The following NKAIN3 variants were observed in gnomAD, a reference collection of about 807,000 sequenced individuals.
The protein encoded by NKAIN3 is sodium/potassium-transporting ATPase subunit beta-1-interacting protein 3.
Under a neutral mutation model 30.2 loss-of-function variants are expected in NKAIN3, and 25 were observed. The observed-to-expected ratio is 0.83, with a 90% CI of 0.60 to 1.16. The LOEUF is 1.16. Among genes scored for constraint, NKAIN3 ranks in the 50% most tolerant of loss-of-function variants. NKAIN3 has a pLI of 0.00. For synonymous variants in NKAIN3, 91 were observed against 89.6 expected (o/e 1.02, Z -0.09); for missense variants, 225 against 254.1 (o/e 0.89, Z 0.78).
At chr8:62,357,468 A>G (rs565815909) in intron 1 of NKAIN3, among the ~76,000 whole-genome samples, 1 of 152,304 alleles carries the variant, frequency 6.6e-6, no homozygotes, top group East Asian at 1.9e-4. Context: ...ATTCTGTGTA[A>G]TCGAAATTTT....
chr8:62,709,487 C>T (rs548227568), intron 3 of NKAIN3, among the ~76,000 whole-genome samples: 21 of 151,980 alleles, frequency 1.4e-4, no homozygotes, highest in African/African-American at 4.6e-4. Context: ...ATCTCGTCTA[C>T]GTTTTCTAGT....
At chr8:62,433,489 TG>T in intron 1 of NKAIN3, among the ~76,000 whole-genome samples, 1 of 152,298 alleles carries the variant, frequency 6.6e-6, no homozygotes, top group South Asian at 2.1e-4. Flanking sequence ...ATATGGGATC[TG>T]GGTAAGTTAT....
intron 1 of NKAIN3, among the ~76,000 whole-genome samples, chr8:62,284,621 A>T (rs895164526): frequency 6.6e-6 from 1 of 151,832 alleles, no homozygotes; most frequent in East Asian, 1.9e-4. Context: ...CAACAGCAAA[A>T]CTCTGTCTCA....
At chr8:62,859,507 C>CAAAAAAAAAAAAAAAAAAAAAAAAAAA (rs1563597734) in intron 4 of NKAIN3, among the ~76,000 whole-genome samples, 1 of 9,926 alleles carries the variant, frequency 1.0e-4, no homozygotes, top group Non-Finnish European at 4.0e-4. Context: ...CTTACTTCAA[C>CAAAAAAAAAAAAAAAAAAAAAAAAAAA]TAAAAAAAAA....
chr8:62,727,591 T>C (rs1021461788), intron 3 of NKAIN3, among the ~76,000 whole-genome samples: 8 of 152,232 alleles, frequency 5.3e-5, no homozygotes, highest in African/African-American at 1.9e-4. Context: ...CACAATACCA[T>C]TTGCAGTAGC....
rs552326600 is a variant in NKAIN3, at chr8:62,979,801, G to T, written c.*14394G>T. 1 of 152,224 alleles carries T rather than the reference G, an allele frequency of 6.6e-6. No individual in the cohort carries two copies. Among genetic ancestry groups the T allele is most frequent in the Non-Finnish European group, 1.5e-5 (1 of 68,072 alleles). The allele number at this position is 152,224 out of a possible 1,614,324, so 9.4% of individuals were successfully genotyped here. A position where few individuals can be genotyped will look rare whatever the true frequency, so the allele number is the denominator to read the frequency against. On this transcript the variant is annotated 3_prime_UTR_variant, in exon 7 of 7. Transcript: ENST00000623646. ...GTCCTGACTAGACAAGGGCTTTGTTGTTGACTACAATTCAATGCCTTTTTT... is the reference window on the plus strand; with the variant it reads ...GTCCTGACTAGACAAGGGCTTTGTTTTTGACTACAATTCAATGCCTTTTTT...
chr8:62,850,167 T>C, intron 4 of NKAIN3, among the ~76,000 whole-genome samples: 1 of 152,134 alleles, frequency 6.6e-6, no homozygotes, highest in East Asian at 1.9e-4. Context: ...TGAGATGCTA[T>C]CTCATTGTGG....
intron 4 of NKAIN3, among the ~76,000 whole-genome samples, chr8:62,881,349 C>T (rs1191318371): frequency 3.3e-5 from 5 of 152,160 alleles, no homozygotes; most frequent in Non-Finnish European, 5.9e-5. Flanking sequence ...CATATTTTTG[C>T]CTTTTCCAGA....
At chr8:62,856,535 T>C in intron 4 of NKAIN3, 3 of 779,612 alleles carry the variant, frequency 3.8e-6, no homozygotes, top group Non-Finnish European at 7.1e-6. Context: ...GCTTTGGTCC[T>C]GGCTCAGCTG....
chr8:62,258,658 T>TA (rs1026702032), intron 1 of NKAIN3, among the ~76,000 whole-genome samples: 1 of 151,104 alleles, frequency 6.6e-6, no homozygotes, highest in African/African-American at 2.4e-5. Flanking sequence ...AGACACTGTC[T>TA]AAAAAAGAAA....
intron 1 of NKAIN3, among the ~76,000 whole-genome samples, chr8:62,285,773 T>A (rs1813362201): frequency 6.6e-6 from 1 of 152,166 alleles, no homozygotes; most frequent in Non-Finnish European, 1.5e-5. Flanking sequence ...TACAAAAATA[T>A]CTGAACCAGA....
chr8:62,911,725 T>C (rs1236029599), intron 4 of NKAIN3, among the ~76,000 whole-genome samples: 2 of 152,042 alleles, frequency 1.3e-5, no homozygotes, highest in Non-Finnish European at 2.9e-5. Context: ...TGAACTATTT[T>C]TCAAGCTAAA....
At chr8:62,429,904 T>C (rs1451470840) in intron 1 of NKAIN3, among the ~76,000 whole-genome samples, 1 of 151,920 alleles carries the variant, frequency 6.6e-6, no homozygotes, top group African/African-American at 2.4e-5. Flanking sequence ...AATTCATTTA[T>C]AATGTTGTGC....
At chr8:62,576,379 C>A (rs1458567226) in intron 1 of NKAIN3, among the ~76,000 whole-genome samples, 1 of 152,016 alleles carries the variant, frequency 6.6e-6, no homozygotes, top group African/African-American at 2.4e-5. Context: ...CTTTATTTCT[C>A]TACTTTTTTT....
chr8:62,715,289 C>A (rs2130503515), intron 3 of NKAIN3, among the ~76,000 whole-genome samples: 1 of 152,236 alleles, frequency 6.6e-6, no homozygotes, highest in South Asian at 2.1e-4. Context: ...AAGGGCACAT[C>A]ACAAAGTCCA....
At chr8:62,904,013 A>T (rs973911259) in intron 4 of NKAIN3, among the ~76,000 whole-genome samples, 3 of 152,178 alleles carry the variant, frequency 2.0e-5, no homozygotes, top group Admixed American at 1.3e-4. Flanking sequence ...AACAGAGCCA[A>T]ACCATATTGC....
At chr8:62,384,387 G>C (rs2129594150) in intron 1 of NKAIN3, among the ~76,000 whole-genome samples, 1 of 152,136 alleles carries the variant, frequency 6.6e-6, no homozygotes, top group Non-Finnish European at 1.5e-5. Context: ...ATGTTTGTCT[G>C]CTTAAGTTTC....
chr8:62,508,341 C>T (rs908326404), intron 1 of NKAIN3, among the ~76,000 whole-genome samples: 1 of 152,136 alleles, frequency 6.6e-6, no homozygotes, highest in Non-Finnish European at 1.5e-5. Context: ...GCTTTAGACC[C>T]ATTCTTGCCC....
chr8:62,813,893 TA>T (rs1255441772), intron 4 of NKAIN3, among the ~76,000 whole-genome samples: 1 of 152,136 alleles, frequency 6.6e-6, no homozygotes, highest in African/African-American at 2.4e-5. Context: ...CTTTATTTCT[TA>T]AAAATAGCCT....
Sources: gnomAD v4.1 joint callset for allele counts (sites outside exome capture counted in the v4.1 genomes callset) on GRCh38, gnomAD v4.1.1 for gene constraint, MANE v1.5 for transcripts, NCBI Gene and HGNC (gene_info 2026-07-23, HGNC 2026-07-21) for gene names.